Variants in SLCO3A1 observed in about 807,000 individuals in gnomAD.
SLCO3A1 encodes solute carrier organic anion transporter family member 3A1, also known as PGE1 transporter.
A neutral mutation model predicts 63.1 loss-of-function variants in SLCO3A1; 27 were observed. The ratio of observed to expected loss-of-function variants is 0.43; its 90% CI spans 0.32 to 0.59. The LOEUF (loss-of-function observed/expected upper bound fraction) is 0.59, where lower values mean the gene tolerates loss of function less well. Among genes scored for constraint, SLCO3A1 ranks in the 20% least tolerant of loss-of-function variants. The pLI, the probability that SLCO3A1 is intolerant of heterozygous loss-of-function variation, is 0.09. For missense variants in SLCO3A1, 773 were observed against 945.8 expected (o/e 0.82, Z 2.40); for synonymous variants, 473 against 409.9 (o/e 1.15, Z -1.86).
chr15:91,929,524 T>A (rs770594451), intron 2 of SLCO3A1, among the ~76,000 whole-genome samples: 3 of 152,214 alleles, frequency 2.0e-5, no homozygotes, highest in Admixed American at 2.0e-4. Context: ...TTCCAGTCTT[T>A]TTTTAATTAA....
At chr15:92,078,688 CT>C (rs2047307882) in intron 2 of SLCO3A1, among the ~76,000 whole-genome samples, 1 of 152,208 alleles carries the variant, frequency 6.6e-6, no homozygotes, top group Non-Finnish European at 1.5e-5. Context: ...CAGCTTCCCA[CT>C]TACTGTACAT....
At chr15:91,966,611 T>C (rs2151425471) in intron 2 of SLCO3A1, among the ~76,000 whole-genome samples, 1 of 152,334 alleles carries the variant, frequency 6.6e-6, no homozygotes, top group African/African-American at 2.4e-5. Context: ...CAAGTTTTCA[T>C]TAAAGCAACA....
chr15:92,156,963 C>T (rs1041563373), intron 9 of SLCO3A1, among the ~76,000 whole-genome samples: 2 of 152,102 alleles, frequency 1.3e-5, no homozygotes, highest in African/African-American at 4.8e-5. Context: ...AATTAAATAG[C>T]CAATATATAA....
At chr15:91,961,161 T>C (rs117465177) in intron 2 of SLCO3A1, among the ~76,000 whole-genome samples, 1 of 152,392 alleles carries the variant, frequency 6.6e-6, no homozygotes, top group Non-Finnish European at 1.5e-5. Flanking sequence ...TATCTCATTC[T>C]AGTCAATTTA....
intron 7 of SLCO3A1, among the ~76,000 whole-genome samples, chr15:92,138,245 T>A (rs2048084262): frequency 1.0e-5 from 1 of 97,956 alleles, no homozygotes; most frequent in African/African-American, 5.8e-5. Context: ...CTTTCCCCAT[T>A]GCTTGTTTTT....
intron 2 of SLCO3A1, among the ~76,000 whole-genome samples, chr15:91,994,503 A>G (rs1375786640): frequency 6.6e-6 from 1 of 152,222 alleles, no homozygotes; most frequent in Non-Finnish European, 1.5e-5. Flanking sequence ...GCCAGAGTCC[A>G]TGCCCTCAGC....
rs35886694 is a variant in SLCO3A1 at position 92,086,982 on chromosome 15, C to CAA, written c.647-7885_647-7884dup. Reference sequence around the variant, plus strand: ...GGGGTGAAAAAGCAAAACTCCGTCTCAAAAAAAAAAAAAAAGGAATATTTC... The same window carrying CAA: ...GGGGTGAAAAAGCAAAACTCCGTCTCAAAAAAAAAAAAAAAAAGGAATATTTC... On this transcript the variant is annotated intron_variant, in intron 2 of 9. Coordinates refer to ENST00000318445, the MANE Select transcript of SLCO3A1 (RefSeq NM_013272.4). 1.5e-3 allele frequency among the ~76,000 whole-genome samples: 201 copies of CAA among 133,902 alleles called. 1 individual carries two copies. Among genetic ancestry groups the CAA allele is most frequent in the African/African-American group, 5.4e-3 (185 of 34,208 alleles). The allele number at this position is 133,902 out of a possible 152,430, so 87.8% of individuals were successfully genotyped here. A position where few individuals can be genotyped will look rare whatever the true frequency, so the allele number is the denominator to read the frequency against.
chr15:92,126,373 A>G, intron 6 of SLCO3A1, 114 bp downstream of exon 6: 1 of 802,060 alleles, frequency 1.2e-6, no homozygotes, highest in Admixed American at 2.1e-5. Context: ...GAGACGCATC[A>G]CGGCTGCCTC....
intron 9 of SLCO3A1, 66 bp from the exon 10 acceptor site, chr15:92,162,690 A>G (rs745604539): frequency 8.5e-6 from 13 of 1,531,160 alleles, no homozygotes; most frequent in African/African-American, 1.4e-5. Flanking sequence ...AAAGCTAGGC[A>G]GAGACAGGAA....
At chr15:92,142,051 C>A (rs756908534) in intron 7 of SLCO3A1, among the ~76,000 whole-genome samples, 9 of 152,224 alleles carry the variant, frequency 5.9e-5, no homozygotes, top group Non-Finnish European at 1.3e-4. Context: ...CCTACCCAGC[C>A]TCTCTCACAG....
intron 2 of SLCO3A1, among the ~76,000 whole-genome samples, chr15:91,987,765 ATAAT>A (rs2046072999): frequency 6.6e-6 from 1 of 150,848 alleles, no homozygotes; most frequent in African/African-American, 2.4e-5. Flanking sequence ...AAAGATAATA[ATAAT>A]TAATTGTGGT....
intron 2 of SLCO3A1, among the ~76,000 whole-genome samples, chr15:92,072,844 C>T (rs1281170077): frequency 2.1e-4 from 32 of 152,184 alleles, no homozygotes; most frequent in Non-Finnish European, 1.5e-5. Context: ...AGATCCTTAA[C>T]TTAATTACAT....
intron 2 of SLCO3A1, among the ~76,000 whole-genome samples, chr15:91,959,265 G>T (rs1900348422): frequency 6.6e-6 from 1 of 152,046 alleles, no homozygotes; most frequent in African/African-American, 2.4e-5. Flanking sequence ...GGACTCTGGG[G>T]ACTTGGGGGT....
rs1265884952 is a variant in SLCO3A1, at chr15:92,004,459, C to T, written c.646+88001C>T. ...AGTGATGACAATGATGATGACTATC[C>T]GTGGAGAGGGGAGTGGTTTTAGTAA... is the stretch of plus-strand genomic sequence containing the variant. On this transcript the variant is annotated intron_variant, in intron 2 of 9. Coordinates refer to ENST00000318445, the MANE Select transcript of SLCO3A1 (RefSeq NM_013272.4). 2.6e-5 allele frequency among the ~76,000 whole-genome samples: 4 copies of T among 152,186 alleles called. No homozygotes were observed. The East Asian group carries it at 5.8e-4, about 22-fold the overall frequency.
chr15:92,073,410 A>T (rs946652349), intron 2 of SLCO3A1, among the ~76,000 whole-genome samples: 4 of 152,230 alleles, frequency 2.6e-5, no homozygotes, highest in Admixed American at 2.6e-4. Flanking sequence ...ACCAGTGGAC[A>T]AGAAAGTTAA....
At chr15:91,995,733 G>GGA (rs1555422485) in intron 2 of SLCO3A1, among the ~76,000 whole-genome samples, 2 of 79,780 alleles carry the variant, frequency 2.5e-5, no homozygotes, top group African/African-American at 9.0e-5. Flanking sequence ...AGATTTTCTT[G>GGA]AAAAAAAAAA....
At chr15:92,125,624 G>A (rs1019654757) in intron 5 of SLCO3A1, among the ~76,000 whole-genome samples, 11 of 151,912 alleles carry the variant, frequency 7.2e-5, no homozygotes, top group African/African-American at 2.4e-4. Flanking sequence ...ATTAGAAGAC[G>A]AGGAGAAAAA....
chr15:92,090,206 C>T (rs1374062275), intron 2 of SLCO3A1, among the ~76,000 whole-genome samples: 1 of 152,156 alleles, frequency 6.6e-6, no homozygotes, highest in Admixed American at 6.5e-5. Context: ...AAACTCAGCT[C>T]ACAAAGATGT....
chr15:92,156,010 T>C (rs965418534), intron 9 of SLCO3A1, among the ~76,000 whole-genome samples: 8 of 152,164 alleles, frequency 5.3e-5, no homozygotes, highest in South Asian at 4.2e-4. Context: ...TAGGCAGGGG[T>C]CATTCCTGAG....
Sources: gnomAD v4.1 joint callset for allele counts (sites outside exome capture counted in the v4.1 genomes callset) on GRCh38, gnomAD v4.1.1 for gene constraint, MANE v1.5 for transcripts, NCBI Gene and HGNC (gene_info 2026-07-23, HGNC 2026-07-21) for gene names.